UNC13C: variants seen among roughly 807,000 people sequenced by gnomAD.
UNC13C encodes the protein protein unc-13 homolog C.
Under a neutral mutation model 245.4 loss-of-function variants are expected in UNC13C, and 174 were observed. The observed-to-expected ratio is 0.71, with a 90% confidence interval of 0.63 to 0.80. The LOEUF (loss-of-function observed/expected upper bound fraction) is 0.80. UNC13C is among the 30% of genes least tolerant of loss of function. UNC13C has a pLI of 0.00. For synonymous variants in UNC13C, 992 were observed against 895.1 expected (o/e 1.11, Z -1.93); for missense variants, 2,829 against 2,602.9 (o/e 1.09, Z -1.89).
chr15:54,426,994 T>C (rs899069118), intron 19 of UNC13C, among the ~76,000 whole-genome samples: 2 of 151,842 alleles, frequency 1.3e-5, no homozygotes, highest in Admixed American at 6.6e-5. Context: ...GCTAGATATA[T>C]TCTAAAGCTA....
intron 2 of UNC13C, among the ~76,000 whole-genome samples, chr15:54,137,163 A>G (rs567898865): frequency 6.6e-6 from 1 of 152,332 alleles, no homozygotes; most frequent in Non-Finnish European, 1.5e-5. Context: ...ATTGATTTGC[A>G]TTCCTTGAAA....
At chr15:54,220,676 G>A (rs1220627015) in intron 4 of UNC13C, among the ~76,000 whole-genome samples, 1 of 151,936 alleles carries the variant, frequency 6.6e-6, no homozygotes, top group Non-Finnish European at 1.5e-5. Context: ...CCAAGCAAAT[G>A]TTGTGAGTTT....
the UNC13C span, among the ~76,000 whole-genome samples, chr15:53,973,003 T>C: frequency 2.0e-5 from 3 of 152,036 alleles, no homozygotes; most frequent in South Asian, 4.1e-4. Context: ...AGTTTTCATT[T>C]TTGTCAAGCC....
At chr15:54,569,428 A>G (rs1566915101) in intron 30 of UNC13C, among the ~76,000 whole-genome samples, 1 of 152,128 alleles carries the variant, frequency 6.6e-6, no homozygotes, top group Non-Finnish European at 1.5e-5. Context: ...GTTATATAGT[A>G]TTGTTTATGG....
At chr15:54,109,874 T>C (rs1369364148) in intron 2 of UNC13C, among the ~76,000 whole-genome samples, 1 of 152,084 alleles carries the variant, frequency 6.6e-6, no homozygotes, top group African/African-American at 2.4e-5. Context: ...CTTTTCTCCA[T>C]GAAACTCACT....
At chr15:53,842,055 T>C in the UNC13C span, among the ~76,000 whole-genome samples, 1 of 152,168 alleles carries the variant, frequency 6.6e-6, no homozygotes, top group African/African-American at 2.4e-5. Flanking sequence ...GTAAGAACAT[T>C]GAACTCTGAC....
intron 4 of UNC13C, among the ~76,000 whole-genome samples, chr15:54,180,216 C>G (rs905169004): frequency 1.3e-5 from 2 of 151,854 alleles, no homozygotes; most frequent in Non-Finnish European, 2.9e-5. Context: ...CCATGAGTAC[C>G]CAATGTTCAG....
At chr15:54,140,806 T>C (rs777821304) in intron 2 of UNC13C, among the ~76,000 whole-genome samples, 2 of 146,840 alleles carry the variant, frequency 1.4e-5, no homozygotes, top group African/African-American at 2.5e-5. Context: ...ATGAGGGCAC[T>C]GTGTGTCATT....
the UNC13C span, among the ~76,000 whole-genome samples, chr15:53,873,592 T>C: frequency 6.6e-6 from 1 of 152,156 alleles, no homozygotes; most frequent in Non-Finnish European, 1.5e-5. Flanking sequence ...GCAGTCTATA[T>C]AAATATACTT....
chr15:54,612,368 T>G (rs773480328), intron 30 of UNC13C, among the ~76,000 whole-genome samples: 7 of 152,042 alleles, frequency 4.6e-5, no homozygotes, highest in Non-Finnish European at 8.8e-5. Context: ...ATTTCTTTCT[T>G]CATTTAGAGT....
intron 7 of UNC13C, among the ~76,000 whole-genome samples, chr15:54,246,621 T>C (rs893402507): frequency 4.6e-5 from 7 of 152,230 alleles, no homozygotes; most frequent in African/African-American, 1.2e-4. Flanking sequence ...TTTTAGAAAA[T>C]ACATTTTTAT....
intron 30 of UNC13C, among the ~76,000 whole-genome samples, chr15:54,597,708 G>A (rs1233197545): frequency 6.6e-6 from 1 of 152,172 alleles, no homozygotes; most frequent in Non-Finnish European, 1.5e-5. Flanking sequence ...AGTGAATAAT[G>A]TATTAACACA....
At chr15:54,004,389 A>T (rs1008443651) in intron 1 of UNC13C, among the ~76,000 whole-genome samples, 1 of 152,108 alleles carries the variant, frequency 6.6e-6, no homozygotes, top group Non-Finnish European at 1.5e-5. Context: ...TATGTACCAC[A>T]TTTATTTATC....
chr15:54,037,416 C>T (rs1896618102), intron 2 of UNC13C, among the ~76,000 whole-genome samples: 1 of 152,044 alleles, frequency 6.6e-6, no homozygotes, highest in South Asian at 2.1e-4. Context: ...GTATTTTTCT[C>T]ATTGATTTAT....
intron 4 of UNC13C, among the ~76,000 whole-genome samples, chr15:54,144,755 A>C (rs529619984): frequency 6.6e-6 from 1 of 152,112 alleles, no homozygotes; most frequent in Non-Finnish European, 1.5e-5. Context: ...TTATTCTTCT[A>C]TTGGTGGGTT....
chr15:54,347,538 T>C (rs2038885794), intron 17 of UNC13C, among the ~76,000 whole-genome samples: 1 of 152,214 alleles, frequency 6.6e-6, no homozygotes, highest in South Asian at 2.1e-4. Context: ...TAAAATCTTA[T>C]TTTGAATCTG....
chr15:54,076,098 C>CAT (rs1413525818), intron 2 of UNC13C, among the ~76,000 whole-genome samples: 7 of 120,678 alleles, frequency 5.8e-5, no homozygotes, highest in Admixed American at 9.1e-5. Flanking sequence ...TCCCAGTATT[C>CAT]ATATATATAT....
Position 54,294,062 on chromosome 15 carries a change from T to A in UNC13C, c.3986T>A (p.Leu1329Ter). ...GGAGAAATGGATGTCTGGTACAACT[T>A]AGGTGATTTTTTTTTTTATCTACTT... ...LSGEMDVWYN[L>*]EKRTDKSAVS... Residue 1329 changes from leucine (L) to a stop codon, truncating the protein, a stop_gained and splice_region_variant, in exon 11 of 33, where the codon TTA (leucine) becomes TAA (stop). Transcript: ENST00000260323. LOFTEE classifies it high-confidence loss of function. 6.6e-7 allele frequency: 1 copy of A among 1,526,280 alleles called. No homozygotes were observed. Among genetic ancestry groups the A allele is most frequent in the Non-Finnish European group, 8.7e-7 (1 of 1,143,330 alleles). The allele number at this position is 1,526,280 out of a possible 1,614,324, so 94.5% of individuals were successfully genotyped here.
chr15:54,143,734 GGCTGTGTTCTCAACATATAT>G (rs1283731365), intron 4 of UNC13C, 50 bp downstream of exon 4: 2 of 1,449,660 alleles, frequency 1.4e-6, no homozygotes, highest in Non-Finnish European at 1.9e-6. Flanking sequence ...GATGGCACTT[GGCTGTGTTCTCAACATATAT>G]GCTTTGAGTG....
Sources: gnomAD v4.1 joint callset for allele counts (sites outside exome capture counted in the v4.1 genomes callset) on GRCh38, gnomAD v4.1.1 for gene constraint, MANE v1.5 for transcripts, NCBI Gene and HGNC (gene_info 2026-07-23, HGNC 2026-07-21) for gene names.